Variants in RGS5 observed in about 807,000 individuals in gnomAD.
The protein encoded by RGS5 is regulator of G protein signaling 5.
Under a neutral mutation model 18.9 loss-of-function variants are expected in RGS5, and 20 were observed. That is an observed-to-expected ratio of 1.06 (90% confidence interval 0.74 to 1.54). The LOEUF is 1.54. Ranked by LOEUF, RGS5 falls within the 40% of genes most tolerant of loss-of-function variation. RGS5 has a pLI of 0.00. For missense variants in RGS5, 201 were observed against 211.8 expected (o/e 0.95, Z 0.32); for synonymous variants, 57 against 76.2 (o/e 0.75, Z 1.31).
chr1:163,190,831 T>G (rs1217383915), intron 1 of RGS5, among the ~76,000 whole-genome samples: 1 of 152,238 alleles, frequency 6.6e-6, no homozygotes, highest in Non-Finnish European at 1.5e-5. Flanking sequence ...GCCAATTGCC[T>G]GGCTATATGG....
chr1:163,289,722 T>C (rs1459278366), intron 2 of RGS5, among the ~76,000 whole-genome samples: 2 of 152,192 alleles, frequency 1.3e-5, no homozygotes, highest in Non-Finnish European at 2.9e-5. Context: ...ATAATTTCAT[T>C]ATCTTCTAGC....
intron 1 of RGS5, among the ~76,000 whole-genome samples, chr1:163,186,560 C>A (rs1295206092): frequency 2.8e-5 from 3 of 108,600 alleles, no homozygotes; most frequent in African/African-American, 1.1e-4. Context: ...GCCTGGGCGA[C>A]AGAGCGAGAC....
At chr1:163,288,242 T>G (rs1255155010) in intron 2 of RGS5, among the ~76,000 whole-genome samples, 1 of 152,132 alleles carries the variant, frequency 6.6e-6, no homozygotes, top group Non-Finnish European at 1.5e-5. Context: ...TCTATTGTAT[T>G]TAAACAAAAA....
chr1:163,306,510 T>G (rs1397977960), intron 1 of RGS5, among the ~76,000 whole-genome samples: 1 of 152,204 alleles, frequency 6.6e-6, no homozygotes, highest in Admixed American at 6.5e-5. Context: ...TTTATATAGA[T>G]CCTGCCCAGG....
chr1:163,214,570 CT>C (rs979651133), intron 1 of RGS5, among the ~76,000 whole-genome samples: 3 of 152,234 alleles, frequency 2.0e-5, no homozygotes, highest in Non-Finnish European at 4.4e-5. Flanking sequence ...CACAACCATG[CT>C]TCAGTCTCTC....
intron 2 of RGS5, among the ~76,000 whole-genome samples, chr1:163,240,505 T>C (rs2101690871): frequency 6.6e-6 from 1 of 151,728 alleles, no homozygotes; most frequent in South Asian, 2.1e-4. Context: ...AAGGAACTCT[T>C]AGGGATAATT....
rs894577634 is a variant in RGS5 at position 163,144,445 on chromosome 1, G to A, written c.*2897C>T. 1.3e-5 allele frequency: 2 copies of A among 152,150 alleles called. No homozygotes were observed. Among genetic ancestry groups the A allele is most frequent in the Non-Finnish European group, 2.9e-5 (2 of 67,972 alleles). The allele number at this position is 152,150 out of a possible 1,614,324, so 9.4% of individuals were successfully genotyped here. On this transcript the variant is annotated 3_prime_UTR_variant, in exon 5 of 5. Coordinates refer to ENST00000313961, the MANE Select transcript of RGS5 (RefSeq NM_003617.4). The stretch of plus-strand genomic sequence containing the variant: ...AGGCAACTACCTGGGCTAATCTTAG[G>A]TTTTTTTCTCAAGAGTGAGAACCAT...
chr1:163,157,959 T>A (rs1294441385), intron 3 of RGS5, among the ~76,000 whole-genome samples: 3 of 152,204 alleles, frequency 2.0e-5, no homozygotes, highest in Non-Finnish European at 4.4e-5. Flanking sequence ...ATTACAGATA[T>A]GAGCCACCAC....
intron 2 of RGS5, among the ~76,000 whole-genome samples, chr1:163,251,607 A>G (rs1357707766): frequency 1.3e-5 from 2 of 152,114 alleles, no homozygotes; most frequent in Non-Finnish European, 2.9e-5. Context: ...TTTAAATGCT[A>G]TCTGTATGCT....
intron 2 of RGS5, among the ~76,000 whole-genome samples, chr1:163,164,093 G>T (rs1571224861): frequency 6.6e-6 from 1 of 152,144 alleles, no homozygotes; most frequent in South Asian, 2.1e-4. Flanking sequence ...GGTCCAAATT[G>T]ATTTAAGGGC....
chr1:163,291,062 C>T (rs1177203290), intron 2 of RGS5, among the ~76,000 whole-genome samples: 4 of 151,758 alleles, frequency 2.6e-5, no homozygotes, highest in Admixed American at 6.6e-5. Context: ...TCATGTGAAT[C>T]CCCAGTACTG....
In RGS5 at chr1:163,232,983, C is replaced by T. The variant is rs557319950; in HGVS notation, c.-280-64615G>A. ...TGTTCACATTTTATGTCTTCTATGT[C>T]ATTTTTTCCCTCTTATTCAAGATCC... On this transcript the variant is annotated intron_variant, in intron 2 of 5. Transcript: ENST00000618415. Among the ~76,000 whole-genome samples the T allele has an allele frequency of 3.3e-5, 5 of 152,206 alleles. No homozygotes were observed. The East Asian group carries it at 9.6e-4, about 29-fold the overall frequency.
At chr1:163,266,812 T>G (rs1169048968) in intron 2 of RGS5, 2 of 152,164 alleles carry the variant, frequency 1.3e-5, no homozygotes, top group Non-Finnish European at 2.9e-5. Flanking sequence ...GAGGCATATC[T>G]TATATGCTCA....
chr1:163,177,868 G>T (rs564004975), intron 1 of RGS5, among the ~76,000 whole-genome samples: 2 of 152,132 alleles, frequency 1.3e-5, no homozygotes, highest in Non-Finnish European at 2.9e-5. Context: ...GAGTTGTGTT[G>T]TGACGTCAAA....
intron 2 of RGS5, among the ~76,000 whole-genome samples, chr1:163,274,991 C>A (rs755598017): frequency 7.9e-5 from 12 of 152,118 alleles, no homozygotes; most frequent in Non-Finnish European, 1.5e-4. Flanking sequence ...TAGTGCACAC[C>A]TGCAGTCCTA....
At chr1:163,301,218 G>A (rs1571350112) in intron 2 of RGS5, among the ~76,000 whole-genome samples, 1 of 152,166 alleles carries the variant, frequency 6.6e-6, no homozygotes, top group Non-Finnish European at 1.5e-5. Context: ...CTATCTCAGA[G>A]AACAAATTTA....
At chr1:163,190,288 G>C (rs1200453488) in intron 1 of RGS5, among the ~76,000 whole-genome samples, 3 of 152,268 alleles carry the variant, frequency 2.0e-5, no homozygotes, top group East Asian at 1.9e-4. Context: ...TTTTGGACTA[G>C]AGAATTTCCA....
rs1467982404 is a variant in RGS5, at chr1:163,146,480, T to A, written c.*862A>T. The A allele has an allele frequency of 6.6e-6, 1 of 152,166 alleles. No homozygotes were observed. The highest frequency in any genetic ancestry group is 1.5e-5 in the Non-Finnish European group (1 of 68,026). The allele number at this position is 152,166 out of a possible 1,614,324, so 9.4% of individuals were successfully genotyped here. On this transcript the variant is annotated 3_prime_UTR_variant, in exon 5 of 5. Transcript: ENST00000313961. ...GAGACTACTCCAATGGAGCAACAGTTTCATTTTACATGATTGGATTTAGAA... is the reference window on the plus strand; with the variant it reads ...GAGACTACTCCAATGGAGCAACAGTATCATTTTACATGATTGGATTTAGAA...
At chr1:163,301,224 A>C (rs183375942) in intron 2 of RGS5, among the ~76,000 whole-genome samples, 51 of 152,324 alleles carry the variant, frequency 3.3e-4, no homozygotes, top group Non-Finnish European at 5.1e-4. Flanking sequence ...CAGAGAACAA[A>C]TTTATCATCA....
Sources: gnomAD v4.1 joint callset for allele counts (sites outside exome capture counted in the v4.1 genomes callset) on GRCh38, gnomAD v4.1.1 for gene constraint, MANE v1.5 for transcripts, NCBI Gene and HGNC (gene_info 2026-07-23, HGNC 2026-07-21) for gene names.